The following FXYD6 variants were observed in gnomAD, a reference collection of about 807,000 sequenced individuals.
The protein encoded by FXYD6 is FXYD domain-containing ion transport regulator 6.
In FXYD6, 7 loss-of-function variants were observed where a neutral mutation model predicts 16.7. The ratio of observed to expected loss-of-function variants is 0.42; its 90% CI spans 0.24 to 0.79. The LOEUF is 0.79. Among genes scored for constraint, FXYD6 ranks in the 30% least tolerant of loss-of-function variants. The pLI, the probability that FXYD6 is intolerant of heterozygous loss-of-function variation, is 0.28. For synonymous variants in FXYD6, 49 were observed against 43.0 expected, an observed-to-expected ratio of 1.14 and a Z score of -0.54; for missense variants, 111 against 116.2, an observed-to-expected ratio of 0.95 and a Z score of 0.21.
At chr11:117,864,048 A>C (rs2056963255) in intron 1 of FXYD6, among the ~76,000 whole-genome samples, 1 of 152,206 alleles carries the variant, frequency 6.6e-6, no homozygotes, top group Admixed American at 6.5e-5. Context: ...GATTTAATGC[A>C]ATCCCTATCA....
At chr11:117,840,273 C>T in intron 6 of FXYD6, 46 bp downstream of exon 6, 1 of 1,613,076 alleles carries the variant, frequency 6.2e-7, no homozygotes, top group Non-Finnish European at 8.5e-7. Context: ...AGAGGGGTCT[C>T]TCTGTTCCCT....
intron 1 of FXYD6, among the ~76,000 whole-genome samples, chr11:117,846,449 T>C (rs1325007929): frequency 6.6e-6 from 1 of 152,248 alleles, no homozygotes; most frequent in African/African-American, 2.4e-5. Flanking sequence ...TCTTAAGACA[T>C]CCTTTGTCAC....
At chr11:117,850,880 G>C (rs906609253) in intron 1 of FXYD6, among the ~76,000 whole-genome samples, 2 of 150,800 alleles carry the variant, frequency 1.3e-5, no homozygotes, top group African/African-American at 4.9e-5. Context: ...GGTCATCTTT[G>C]TAATTTTTCC....
At chr11:117,842,231 G>A (rs1439443723) in intron 2 of FXYD6, 1 of 668,356 alleles carries the variant, frequency 1.5e-6, no homozygotes, top group African/African-American at 1.8e-5. Context: ...GGTCAGTGAA[G>A]GCATCGAAAC....
chr11:117,853,009 G>T (rs1280288232), intron 1 of FXYD6, among the ~76,000 whole-genome samples: 1 of 152,136 alleles, frequency 6.6e-6, no homozygotes, highest in South Asian at 2.1e-4. Flanking sequence ...GTTAGTCTTT[G>T]TTGTTCACTC....
At chr11:117,862,445 G>T (rs2056927573) in intron 1 of FXYD6, among the ~76,000 whole-genome samples, 1 of 152,188 alleles carries the variant, frequency 6.6e-6, no homozygotes, top group Admixed American at 6.5e-5. Context: ...AGAAGGAAAA[G>T]TCAACAGACA....
intron 6 of FXYD6, 113 bp downstream of exon 6, chr11:117,840,206 A>G: frequency 7.0e-7 from 1 of 1,424,294 alleles, no homozygotes; most frequent in Non-Finnish European, 9.9e-7. Flanking sequence ...CTCTCCTGGC[A>G]CTGCGGGAGC....
intron 1 of FXYD6, among the ~76,000 whole-genome samples, chr11:117,855,539 G>A (rs1208429348): frequency 6.6e-6 from 1 of 152,154 alleles, no homozygotes; most frequent in Non-Finnish European, 1.5e-5. Flanking sequence ...CCCTCCCAGT[G>A]ACCACACATT....
rs371586957 is a variant in FXYD6 at position 117,842,816 on chromosome 11, C to T, written c.-5-35G>A. Reference sequence around the variant, plus strand: ...GAGGGAGGAAAAAATGATTCTCTGGCTAAGAAGCCTCCATCCGTCAGCTCC... The same window carrying T: ...GAGGGAGGAAAAAATGATTCTCTGGTTAAGAAGCCTCCATCCGTCAGCTCC... On this transcript the variant is annotated intron_variant, in intron 1 of 7. Coordinates refer to ENST00000526014, the MANE Select transcript of FXYD6 (RefSeq NM_022003.4). The T allele has an allele frequency of 1.9e-6, 3 of 1,550,084 alleles. No homozygotes were observed. In the African/African-American group the frequency reaches 4.1e-5, roughly 21 times the overall value.
At chr11:117,874,643 A>G (rs1233792213) in intron 1 of FXYD6, among the ~76,000 whole-genome samples, 2 of 152,132 alleles carry the variant, frequency 1.3e-5, no homozygotes, top group Admixed American at 6.5e-5. Flanking sequence ...TAGGGCTCAG[A>G]GCCTCCGATG....
intron 1 of FXYD6, among the ~76,000 whole-genome samples, chr11:117,861,293 C>G (rs1273231428): frequency 6.6e-6 from 1 of 152,198 alleles, no homozygotes; most frequent in Non-Finnish European, 1.5e-5. Flanking sequence ...GTAGGAAAGA[C>G]CTCAGCATCC....
chr11:117,852,256 A>AT (rs1823593391), intron 1 of FXYD6, among the ~76,000 whole-genome samples: 1 of 152,250 alleles, frequency 6.6e-6, no homozygotes, highest in South Asian at 2.1e-4. Context: ...CTGAAGCAGA[A>AT]AATTCAGCTA....
intron 1 of FXYD6, among the ~76,000 whole-genome samples, chr11:117,874,079 G>A (rs1048445147): frequency 3.3e-5 from 5 of 152,188 alleles, no homozygotes; most frequent in Non-Finnish European, 7.3e-5. Flanking sequence ...TACTGGCCAC[G>A]TGACTGCTGA....
intron 1 of FXYD6, among the ~76,000 whole-genome samples, chr11:117,864,451 C>G (rs887893555): frequency 6.6e-6 from 1 of 152,186 alleles, no homozygotes; most frequent in Admixed American, 6.5e-5. Flanking sequence ...CTAACTGGAT[C>G]CATGAGCTAC....
chr11:117,857,068 T>C (rs1372345877), intron 1 of FXYD6, among the ~76,000 whole-genome samples: 1 of 152,066 alleles, frequency 6.6e-6, no homozygotes, highest in African/African-American at 2.4e-5. Context: ...CCTGCAGGAA[T>C]GGGGTGGCCA....
At chr11:117,864,490 G>GA (rs759922906) in intron 1 of FXYD6, among the ~76,000 whole-genome samples, 3 of 151,850 alleles carry the variant, frequency 2.0e-5, no homozygotes, top group Non-Finnish European at 4.4e-5. Context: ...AAAACTCTTA[G>GA]AAAAAAACAC....
At chr11:117,850,078 C>T (rs2056570853) in intron 1 of FXYD6, among the ~76,000 whole-genome samples, 2 of 152,210 alleles carry the variant, frequency 1.3e-5, no homozygotes, top group South Asian at 4.1e-4. Context: ...TCTGCCATTT[C>T]ATTTCTCCCC....
At chr11:117,840,414 A>C in intron 5 of FXYD6, 46 bp from the exon 6 acceptor site, 1 of 1,613,484 alleles carries the variant, frequency 6.2e-7, no homozygotes, top group East Asian at 2.2e-5. Context: ...TCTCCAGGGC[A>C]GACCCAGAGA....
In FXYD6 at chr11:117,837,956, G is replaced by A. The variant is rs2056237362; in HGVS notation, c.*343C>T. 3 of 517,470 alleles carry A rather than the reference G, an allele frequency of 5.8e-6. No individual in the cohort carries two copies. Among genetic ancestry groups the A allele is most frequent in the Non-Finnish European group, 1.0e-5 (3 of 286,984 alleles). The allele number at this position is 517,470 out of a possible 1,614,324, so 32.1% of individuals were successfully genotyped here. On this transcript the variant is annotated 3_prime_UTR_variant, in exon 8 of 8. Transcript: ENST00000526014. The surrounding 1 kb of genome is among the most constrained non-coding windows in gnomAD (Gnocchi z 4.4). ...GCCATGTGGCTCAGCCCCTGCCTGG[G>A]AAAGCGAGTCCACAGTTCACTAACA...
Sources: allele counts gnomAD v4.1 joint callset (sites outside exome capture counted in the v4.1 genomes callset), GRCh38; gene constraint gnomAD v4.1.1; non-coding constraint Gnocchi (gnomAD v3.1); transcripts MANE v1.5; gene names NCBI Gene and HGNC (gene_info 2026-07-23, HGNC 2026-07-21).